The following LYPD6 variants were observed in gnomAD, a reference collection of about 807,000 sequenced individuals.
LYPD6 encodes ly6/PLAUR domain-containing protein 6.
In LYPD6, 15 loss-of-function variants were observed where a neutral mutation model predicts 22.7. That is an observed-to-expected ratio of 0.66 (90% CI 0.44 to 1.02). The LOEUF (loss-of-function observed/expected upper bound fraction) is 1.02, where lower values mean the gene tolerates loss of function less well. Among genes scored for constraint, LYPD6 ranks in the 50% least tolerant of loss-of-function variants. The probability of loss-of-function intolerance (pLI) is 0.00; values close to 1 mark genes in which losing one functional copy is unlikely to be tolerated. For missense variants in LYPD6, 189 were observed against 208.4 expected, an observed-to-expected ratio of 0.91 and a Z score of 0.57; for synonymous variants, 72 against 77.5, an observed-to-expected ratio of 0.93 and a Z score of 0.37.
At chr2:149,388,181 T>TC (rs1682230644) in intron 1 of LYPD6, among the ~76,000 whole-genome samples, 1 of 26,170 alleles carries the variant, frequency 3.8e-5, no homozygotes, top group Non-Finnish European at 9.9e-5. Context: ...TCTCTCTCTC[T>TC]TTTTTTTTTT....
At chr2:149,462,980 A>T (rs1024154959) in intron 3 of LYPD6, among the ~76,000 whole-genome samples, 1 of 152,114 alleles carries the variant, frequency 6.6e-6, no homozygotes, top group Admixed American at 6.6e-5. Flanking sequence ...ATCTAGGGCT[A>T]GGTGAGGTTC....
At chr2:149,436,556 A>G (rs911749102) in intron 1 of LYPD6, among the ~76,000 whole-genome samples, 3 of 152,190 alleles carry the variant, frequency 2.0e-5, no homozygotes, top group Admixed American at 6.6e-5. Context: ...ACTTAGTGCT[A>G]TAGCGATAAC....
intron 1 of LYPD6, among the ~76,000 whole-genome samples, chr2:149,333,499 G>A (rs529477900): frequency 8.5e-5 from 13 of 152,152 alleles, no homozygotes; most frequent in Non-Finnish European, 1.9e-4. Context: ...ACTAACTGTG[G>A]GACTTCAAAA....
At chr2:149,362,103 A>AC (rs1177458517) in intron 1 of LYPD6, among the ~76,000 whole-genome samples, 11 of 152,162 alleles carry the variant, frequency 7.2e-5, no homozygotes, top group Admixed American at 1.3e-4. Context: ...GCCCAGTAAG[A>AC]CCCATATTGG....
intron 1 of LYPD6, among the ~76,000 whole-genome samples, chr2:149,433,932 T>C (rs1683373619): frequency 6.6e-6 from 1 of 152,198 alleles, no homozygotes; most frequent in African/African-American, 2.4e-5. Flanking sequence ...GGATGTGGAA[T>C]CATGATATAT....
intron 1 of LYPD6, among the ~76,000 whole-genome samples, chr2:149,387,689 C>T (rs904533061): frequency 6.6e-6 from 1 of 152,088 alleles, no homozygotes; most frequent in Non-Finnish European, 1.5e-5. Context: ...ACAATGAGCA[C>T]GAGGTGCTCC....
chr2:149,337,992 G>A (rs1240292828), intron 1 of LYPD6, among the ~76,000 whole-genome samples: 1 of 131,234 alleles, frequency 7.6e-6, no homozygotes, highest in African/African-American at 2.9e-5. Flanking sequence ...GTATTCCGTG[G>A]TGTATATGTA....
chr2:149,434,596 C>A (rs529833435), intron 1 of LYPD6, among the ~76,000 whole-genome samples: 17 of 152,268 alleles, frequency 1.1e-4, no homozygotes, highest in Admixed American at 1.0e-3. Context: ...TATCACTCAT[C>A]TCTTATGGCA....
At chr2:149,420,953 A>G (rs761133823) in intron 1 of LYPD6, among the ~76,000 whole-genome samples, 1 of 152,136 alleles carries the variant, frequency 6.6e-6, no homozygotes, top group African/African-American at 2.4e-5. Flanking sequence ...CACCTGGAGG[A>G]TTCTTAAAAT....
chr2:149,470,837 G>T lies in LYPD6; in HGVS notation c.503G>T (p.Gly168Val), dbSNP rs1390343530. The change falls in exon 5 of 5, where the codon GGG becomes GTG. Residue 168 changes from glycine (G) to valine (V), a missense_variant. Gly to Val is a moderately radical substitution (Grantham distance 109). Coordinates refer to ENST00000334166, the MANE Select transcript of LYPD6 (RefSeq NM_194317.5). ...VIVSCLWLWL[G>V]LML ...GTGTCCTGCTTGTGGTTGTGGTTAGGGCTCATGTTATAGTGGCTCAGTGGC... is the reference window on the plus strand; with the variant it reads ...GTGTCCTGCTTGTGGTTGTGGTTAGTGCTCATGTTATAGTGGCTCAGTGGC... The T allele has an allele frequency of 3.7e-6, 6 of 1,612,448 alleles. No homozygotes were observed. The African/African-American group carries it at 6.7e-5, about 18-fold the overall frequency.
At position 149,471,015 on chromosome 2, in the gene LYPD6, CATT is replaced by C; in HGVS notation, c.*166_*168del. ...TTACCATGAGGAATAAATGTTGCTT[CATT>C]GTAGCCATTTTGAGTCTAACCGAGA... On this transcript the variant is annotated 3_prime_UTR_variant, in exon 5 of 5. Coordinates refer to ENST00000334166, the MANE Select transcript of LYPD6 (RefSeq NM_194317.5). 1.7e-6 allele frequency: 1 copy of C among 583,428 alleles called. No individual in the cohort carries two copies. The highest frequency in any genetic ancestry group is 2.9e-6 in the Non-Finnish European group (1 of 340,916). The allele number at this position is 583,428 out of a possible 1,614,324, so 36.1% of individuals were successfully genotyped here.
chr2:149,403,841 TC>T (rs1682623834), intron 1 of LYPD6, among the ~76,000 whole-genome samples: 1 of 152,212 alleles, frequency 6.6e-6, no homozygotes, highest in African/African-American at 2.4e-5. Context: ...GCCTAGGTTT[TC>T]TTCTAGGGTT....
chr2:149,481,545 A>G, the LYPD6 span, among the ~76,000 whole-genome samples: 1 of 152,232 alleles, frequency 6.6e-6, no homozygotes, highest in Non-Finnish European at 1.5e-5. Context: ...CAAAAACAAA[A>G]CAAAACAAAA....
At chr2:149,419,539 A>G (rs1354666661) in intron 1 of LYPD6, among the ~76,000 whole-genome samples, 1 of 152,178 alleles carries the variant, frequency 6.6e-6, no homozygotes, top group Non-Finnish European at 1.5e-5. Context: ...TGGCTCCCAA[A>G]TCGGACAGCA....
chr2:149,340,687 T>C (rs10186766), intron 1 of LYPD6, among the ~76,000 whole-genome samples: 1 of 152,036 alleles, frequency 6.6e-6, no homozygotes, highest in Non-Finnish European at 1.5e-5. Flanking sequence ...TTCCCAGATG[T>C]GTAGGAACCA....
At chr2:149,407,531 CT>C (rs752513795) in intron 1 of LYPD6, among the ~76,000 whole-genome samples, 14 of 152,208 alleles carry the variant, frequency 9.2e-5, no homozygotes, top group Non-Finnish European at 1.9e-4. Flanking sequence ...GCGTCGGCTC[CT>C]GAAGCTTCTG....
At chr2:149,485,037 A>G in the LYPD6 span, among the ~76,000 whole-genome samples, 24 of 152,280 alleles carry the variant, frequency 1.6e-4, no homozygotes, top group Middle Eastern at 3.4e-3. Flanking sequence ...TTGACTATGC[A>G]TGTGGAGTGC....
intron 3 of LYPD6, among the ~76,000 whole-genome samples, chr2:149,459,616 T>C (rs539874520): frequency 2.4e-4 from 36 of 152,324 alleles, no homozygotes; most frequent in African/African-American, 8.2e-4. Flanking sequence ...TACAATTATA[T>C]TACGGCCAGG....
rs1681264588 is a variant in LYPD6, at chr2:149,468,775, G to A, written c.348G>A (p.Lys116=). Residue 116 remains lysine (K), a splice_region_variant and synonymous_variant, in exon 4 of 5, where the codon AAG becomes AAA. Coordinates refer to ENST00000334166, the MANE Select transcript of LYPD6 (RefSeq NM_194317.5). ...GAGACTCCGAGCATGAAGGCCACAA[G>A]GTCTGGGCAACAGAGCAAGTGACCA... ...GCRDSEHEGH[K]VCTSCCEGNI... is the part of the protein sequence containing the mutation. The A allele has an allele frequency of 6.2e-7, 1 of 1,613,126 alleles. No individual in the cohort carries two copies. The highest frequency in any genetic ancestry group is 1.3e-5 in the African/African-American group (1 of 74,854).
Sources: allele counts gnomAD v4.1 joint callset (sites outside exome capture counted in the v4.1 genomes callset), GRCh38; gene constraint gnomAD v4.1.1; transcripts MANE v1.5; gene names NCBI Gene and HGNC (gene_info 2026-07-23, HGNC 2026-07-21).